VEPH1: variants seen among roughly 807,000 people sequenced by gnomAD.
VEPH1 encodes the protein ventricular zone-expressed PH domain-containing protein homolog 1.
A neutral mutation model predicts 85.2 loss-of-function variants in VEPH1; 80 were observed. The observed-to-expected ratio is 0.94, with a 90% CI of 0.78 to 1.13. The LOEUF (loss-of-function observed/expected upper bound fraction) is 1.13, where lower values mean the gene tolerates loss of function less well. VEPH1 is among the 50% of genes most tolerant of loss of function. The pLI, the probability that VEPH1 is intolerant of heterozygous loss-of-function variation, is 0.00. For synonymous variants in VEPH1, 297 were observed against 348.0 expected (o/e 0.85, Z 1.63); for missense variants, 955 against 980.5 (o/e 0.97, Z 0.35).
chr3:157,394,021 C>T (rs953512633), intron 6 of VEPH1, among the ~76,000 whole-genome samples: 5 of 152,172 alleles, frequency 3.3e-5, no homozygotes, highest in Non-Finnish European at 5.9e-5. Flanking sequence ...ACCCTGCTAG[C>T]ACCACCTTTC....
chr3:157,337,798 T>C (rs1345983633), intron 9 of VEPH1, among the ~76,000 whole-genome samples: 1 of 152,200 alleles, frequency 6.6e-6, no homozygotes, highest in African/African-American at 2.4e-5. Context: ...GATAAAATGA[T>C]CAACTAAGTT....
chr3:157,363,846 A>G, intron 8 of VEPH1, 85 bp from the exon 9 acceptor site: 1 of 1,483,376 alleles, frequency 6.7e-7, no homozygotes, highest in Non-Finnish European at 9.0e-7. Flanking sequence ...ATTGGGACAA[A>G]AAGTTACTTC....
intron 7 of VEPH1, among the ~76,000 whole-genome samples, chr3:157,369,203 A>AAAAAAAC: frequency 6.7e-6 from 1 of 149,056 alleles, no homozygotes; most frequent in Non-Finnish European, 1.5e-5. Flanking sequence ...AAAAAAAAAA[A>AAAAAAAC]ACCTCCTGAG....
intron 9 of VEPH1, among the ~76,000 whole-genome samples, chr3:157,355,866 C>T (rs1167244215): frequency 6.6e-6 from 1 of 150,540 alleles, no homozygotes; most frequent in Non-Finnish European, 1.5e-5. Flanking sequence ...TTCTGTAAAG[C>T]AAATTACCTT....
chr3:157,396,428 T>C (rs1231543605), intron 6 of VEPH1, among the ~76,000 whole-genome samples: 2 of 152,220 alleles, frequency 1.3e-5, no homozygotes, highest in Admixed American at 1.3e-4. Flanking sequence ...TACAACAGAA[T>C]GATTTATATT....
chr3:157,405,546 C>A (rs1272436969), intron 6 of VEPH1, among the ~76,000 whole-genome samples: 1 of 152,122 alleles, frequency 6.6e-6, no homozygotes, highest in Non-Finnish European at 1.5e-5. Context: ...ATCTCTCCCC[C>A]TCCCCTCCAT....
intron 4 of VEPH1, among the ~76,000 whole-genome samples, chr3:157,439,834 T>C (rs868458378): frequency 6.6e-6 from 1 of 152,208 alleles, no homozygotes; most frequent in Non-Finnish European, 1.5e-5. Flanking sequence ...CACTGCAAGC[T>C]CCGCCTCCCG....
At chr3:157,436,285 A>AC (rs1733569240) in intron 4 of VEPH1, among the ~76,000 whole-genome samples, 1 of 151,972 alleles carries the variant, frequency 6.6e-6, no homozygotes, top group Admixed American at 6.6e-5. Context: ...CTCAAAAAAA[A>AC]AAATTATCTA....
intron 9 of VEPH1, among the ~76,000 whole-genome samples, chr3:157,349,419 T>C (rs1409191347): frequency 6.6e-6 from 1 of 152,178 alleles, no homozygotes; most frequent in Non-Finnish European, 1.5e-5. Context: ...AACCCACAGT[T>C]AATGTCTTAC....
intron 6 of VEPH1, among the ~76,000 whole-genome samples, chr3:157,405,551 C>T (rs1457531979): frequency 6.6e-6 from 1 of 152,164 alleles, no homozygotes; most frequent in Non-Finnish European, 1.5e-5. Context: ...TCCCCCTCCC[C>T]TCCATTATTC....
At chr3:157,438,313 T>G (rs2109203794) in intron 4 of VEPH1, among the ~76,000 whole-genome samples, 1 of 152,176 alleles carries the variant, frequency 6.6e-6, no homozygotes, top group Middle Eastern at 3.4e-3. Context: ...GTTAGGGATT[T>G]CCACGTCTTC....
intron 12 of VEPH1, among the ~76,000 whole-genome samples, chr3:157,274,680 T>C (rs567269916): frequency 1.3e-5 from 2 of 152,240 alleles, no homozygotes; most frequent in African/African-American, 4.8e-5. Context: ...AATTTTTTTT[T>C]GTAGAGATGG....
intron 6 of VEPH1, among the ~76,000 whole-genome samples, chr3:157,387,356 T>G (rs1355699681): frequency 6.6e-6 from 1 of 152,194 alleles, no homozygotes; most frequent in Non-Finnish European, 1.5e-5. Flanking sequence ...GTATGTCTGG[T>G]ACTTGACATA....
At chr3:157,319,941 G>A (rs1721184021) in intron 9 of VEPH1, among the ~76,000 whole-genome samples, 1 of 152,096 alleles carries the variant, frequency 6.6e-6, no homozygotes, top group African/African-American at 2.4e-5. Flanking sequence ...TTCTGTGAAT[G>A]CTTTCAGTAC....
intron 11 of VEPH1, among the ~76,000 whole-genome samples, chr3:157,305,879 G>T (rs1719461469): frequency 6.6e-6 from 1 of 152,068 alleles, no homozygotes; most frequent in South Asian, 2.1e-4. Flanking sequence ...CATGTTCTTC[G>T]TTCATTGATT....
rs745763691 is a variant in VEPH1, at chr3:157,434,306, T to TTC, written c.530-5820_530-5819dup. Among the ~76,000 whole-genome samples the TTC allele has an allele frequency of 1.4e-4, 21 of 151,984 alleles. No homozygotes were observed. In the South Asian group the frequency reaches 1.9e-3, roughly 14 times the overall value. On this transcript the variant is annotated intron_variant, in intron 4 of 13. Transcript: ENST00000362010. ...TATAGCTGGATTTTTAAAATATTTC[T>TTC]TCTCTCTCTCTCTCCTTTTCTTTTT...
chr3:157,442,353 C>G (rs199930880), intron 4 of VEPH1: 35 of 1,553,022 alleles, frequency 2.3e-5, no homozygotes, highest in Non-Finnish European at 2.8e-5. Context: ...TTCTTATTTT[C>G]TTGCTACTCT....
chr3:157,471,446 T>C (rs12631456), intron 2 of VEPH1, among the ~76,000 whole-genome samples: 36,870 of 152,174 alleles, frequency 0.24, 4,769 homozygotes, highest in South Asian at 0.36. Flanking sequence ...ATAGGTACTG[T>C]TGAACTATGT....
intron 9 of VEPH1, among the ~76,000 whole-genome samples, chr3:157,363,076 TG>T (rs1190868153): frequency 5.9e-5 from 9 of 152,088 alleles, no homozygotes; most frequent in Non-Finnish European, 1.5e-5. Context: ...CCAGGATTTT[TG>T]TGAATTCTGG....
Sources: gnomAD v4.1 joint callset for allele counts (sites outside exome capture counted in the v4.1 genomes callset) on GRCh38, gnomAD v4.1.1 for gene constraint, MANE v1.5 for transcripts, NCBI Gene and HGNC (gene_info 2026-07-23, HGNC 2026-07-21) for gene names.